The following UBAC2 variants were observed in gnomAD, a reference collection of about 807,000 sequenced individuals.
The protein encoded by UBAC2 is ubiquitin-associated domain-containing protein 2.
A neutral mutation model predicts 44.0 loss-of-function variants in UBAC2; 26 were observed. The observed-to-expected ratio is 0.59, with a 90% confidence interval of 0.43 to 0.82. The LOEUF (loss-of-function observed/expected upper bound fraction) is 0.82. UBAC2 is among the 40% of genes least tolerant of loss of function. The pLI is 0.00. For missense variants in UBAC2, 329 were observed against 419.4 expected, an observed-to-expected ratio of 0.78 and a Z score of 1.88; for synonymous variants, 155 against 154.3, an observed-to-expected ratio of 1.00 and a Z score of -0.04.
chr13:99,225,979 A>C (rs1377629134), intron 1 of UBAC2, among the ~76,000 whole-genome samples: 4 of 152,316 alleles, frequency 2.6e-5, no homozygotes, highest in Admixed American at 6.5e-5. Flanking sequence ...TGCTATGAAA[A>C]AAGCAGGACA....
At chr13:99,327,875 A>G (rs190749010) in intron 6 of UBAC2, among the ~76,000 whole-genome samples, 1 of 152,310 alleles carries the variant, frequency 6.6e-6, no homozygotes, top group Non-Finnish European at 1.5e-5. Flanking sequence ...TACATACAAT[A>G]GAACTCACCA....
At chr13:99,319,537 T>C (rs1306148783) in intron 6 of UBAC2, among the ~76,000 whole-genome samples, 1 of 152,230 alleles carries the variant, frequency 6.6e-6, no homozygotes, top group Non-Finnish European at 1.5e-5. Flanking sequence ...CATTCTTTGC[T>C]TAAAATTCAC....
chr13:99,329,369 CT>C (rs1566505475), intron 6 of UBAC2, among the ~76,000 whole-genome samples: 1 of 152,192 alleles, frequency 6.6e-6, no homozygotes, highest in Non-Finnish European at 1.5e-5. Context: ...TGCGTTGAAA[CT>C]TTAGATCAAC....
chr13:99,280,452 C>T (rs926775024), intron 4 of UBAC2, among the ~76,000 whole-genome samples: 1 of 152,120 alleles, frequency 6.6e-6, no homozygotes, highest in African/African-American at 2.4e-5. Context: ...TTCAAGTGTC[C>T]CCTTGGGTAG....
chr13:99,348,874 G>A (rs866136247), intron 7 of UBAC2, among the ~76,000 whole-genome samples: 16 of 152,172 alleles, frequency 1.1e-4, no homozygotes, highest in South Asian at 2.1e-4. Context: ...TCAGCTGGGC[G>A]TGGTGGCCTG....
intron 5 of UBAC2, among the ~76,000 whole-genome samples, chr13:99,317,482 C>G (rs901707707): frequency 1.3e-5 from 2 of 152,164 alleles, no homozygotes; most frequent in Non-Finnish European, 1.5e-5. Flanking sequence ...TTAGTTTGCT[C>G]TTCCTTGGGT....
chr13:99,236,341 G>C (rs1454573932), intron 1 of UBAC2, among the ~76,000 whole-genome samples: 3 of 152,204 alleles, frequency 2.0e-5, no homozygotes, highest in Non-Finnish European at 4.4e-5. Context: ...ACCAGAATTT[G>C]TAAGGAGCTC....
At chr13:99,300,372 C>T (rs2138729409) in intron 4 of UBAC2, among the ~76,000 whole-genome samples, 1 of 152,344 alleles carries the variant, frequency 6.6e-6, no homozygotes, top group South Asian at 2.1e-4. Context: ...AAGGATGATT[C>T]CGCTAGCTGG....
intron 2 of UBAC2, among the ~76,000 whole-genome samples, chr13:99,241,827 T>G (rs1188090726): frequency 6.8e-6 from 1 of 146,426 alleles, no homozygotes; most frequent in Non-Finnish European, 1.5e-5. Flanking sequence ...GGAGGGAAGG[T>G]CAGCAGATAA....
chr13:99,241,138 C>T (rs1367428848), intron 2 of UBAC2, among the ~76,000 whole-genome samples: 2 of 151,834 alleles, frequency 1.3e-5, no homozygotes, highest in South Asian at 2.1e-4. Context: ...GTGGTGCACA[C>T]CTGTAGTCCC....
intron 8 of UBAC2, chr13:99,377,423 A>C (rs2045496162): frequency 6.6e-6 from 1 of 152,166 alleles, no homozygotes; most frequent in Non-Finnish European, 1.5e-5. Context: ...GTGAGTTCTG[A>C]TGCTTCTCAT....
intron 8 of UBAC2, among the ~76,000 whole-genome samples, chr13:99,384,948 C>T (rs1198979572): frequency 6.6e-6 from 1 of 152,232 alleles, no homozygotes; most frequent in African/African-American, 2.4e-5. Flanking sequence ...CTTCCAAGGC[C>T]TGGTCCCAGT....
chr13:99,378,849 A>G (rs1566530582), intron 8 of UBAC2, among the ~76,000 whole-genome samples: 1 of 152,266 alleles, frequency 6.6e-6, no homozygotes, highest in Non-Finnish European at 1.5e-5. Flanking sequence ...TCAAGAAGGT[A>G]CTTTTATATT....
At chr13:99,383,874 A>C (rs2045583903) in intron 8 of UBAC2, among the ~76,000 whole-genome samples, 1 of 152,248 alleles carries the variant, frequency 6.6e-6, no homozygotes, top group African/African-American at 2.4e-5. Flanking sequence ...CTGGGTGGTC[A>C]CTGGGAGGTT....
At chr13:99,317,757 A>G (rs1594121549) in intron 5 of UBAC2, among the ~76,000 whole-genome samples, 1 of 152,016 alleles carries the variant, frequency 6.6e-6, no homozygotes, top group African/African-American at 2.4e-5. Context: ...CTTGGGTTTC[A>G]TTTATTTTTC....
At chr13:99,220,984 A>G (rs2043046789) in intron 1 of UBAC2, among the ~76,000 whole-genome samples, 1 of 152,112 alleles carries the variant, frequency 6.6e-6, no homozygotes, top group African/African-American at 2.4e-5. Context: ...TTATTTTTGT[A>G]TAATAATACC....
At chr13:99,308,838 T>G (rs577772081) in intron 4 of UBAC2, 21 of 152,336 alleles carry the variant, frequency 1.4e-4, no homozygotes, top group Non-Finnish European at 2.5e-4. Flanking sequence ...TCCAAGGTAA[T>G]TCCTAGTACA....
intron 7 of UBAC2, among the ~76,000 whole-genome samples, chr13:99,342,685 C>T (rs1027798501): frequency 1.3e-5 from 2 of 152,128 alleles, no homozygotes; most frequent in African/African-American, 4.8e-5. Context: ...GGTGGATGCC[C>T]GTGGTGGGCA....
chr13:99,371,350 G>T (rs2045404671), intron 8 of UBAC2, among the ~76,000 whole-genome samples: 1 of 152,024 alleles, frequency 6.6e-6, no homozygotes, highest in Non-Finnish European at 1.5e-5. Context: ...TCTTGTTTTT[G>T]GTGTTTCTTG....
Sources: allele counts gnomAD v4.1 joint callset (sites outside exome capture counted in the v4.1 genomes callset), GRCh38; gene constraint gnomAD v4.1.1; transcripts MANE v1.5; gene names NCBI Gene and HGNC (gene_info 2026-07-23, HGNC 2026-07-21).